TRPM3: variants seen among roughly 807,000 people sequenced by gnomAD.
TRPM3 encodes the protein long transient receptor potential channel 3.
In TRPM3, 77 loss-of-function variants were observed where a neutral mutation model predicts 181.2. That is an observed-to-expected ratio of 0.42 (90% CI 0.35 to 0.51). TRPM3 has a LOEUF of 0.51. TRPM3 is among the 20% of genes least tolerant of loss of function. The pLI is 0.01. For missense variants in TRPM3, 1,759 were observed against 2,196.7 expected (o/e 0.80, Z 3.98); for synonymous variants, 745 against 796.4 (o/e 0.94, Z 1.09).
chr9:70,862,386 C>T (rs1309535542), intron 3 of TRPM3, among the ~76,000 whole-genome samples: 1 of 152,154 alleles, frequency 6.6e-6, no homozygotes, highest in Non-Finnish European at 1.5e-5. Flanking sequence ...TTATTGAGCA[C>T]AGATGCTTGG....
At chr9:70,943,317 T>A (rs573079343) in intron 1 of TRPM3, among the ~76,000 whole-genome samples, 1 of 152,358 alleles carries the variant, frequency 6.6e-6, no homozygotes, top group East Asian at 1.9e-4. Flanking sequence ...GCTGATTACA[T>A]ATTTATTGAA....
At chr9:71,042,363 C>T (rs1019615001) in intron 1 of TRPM3, among the ~76,000 whole-genome samples, 2 of 152,180 alleles carry the variant, frequency 1.3e-5, no homozygotes, top group Non-Finnish European at 2.9e-5. Flanking sequence ...TCATGCCATT[C>T]AACAACTGCT....
chr9:71,352,001 G>A (rs11792515), intron 1 of TRPM3, among the ~76,000 whole-genome samples: 67,786 of 150,202 alleles, frequency 0.45, 15,262 homozygotes, highest in South Asian at 0.53. Context: ...TCAGCCTCCC[G>A]AGTAGCTGGG....
chr9:71,162,195 G>A (rs866313105), intron 1 of TRPM3, among the ~76,000 whole-genome samples: 2 of 77,550 alleles, frequency 2.6e-5, no homozygotes, highest in South Asian at 5.7e-4. Flanking sequence ...GCATGACTCT[G>A]TCTCAAAAAA....
intron 8 of TRPM3, among the ~76,000 whole-genome samples, chr9:70,740,465 C>T (rs1213470990): frequency 7.0e-6 from 1 of 142,168 alleles, no homozygotes; most frequent in East Asian, 2.0e-4. Context: ...TCTTCACAGA[C>T]CTAGAAAAAA....
intron 1 of TRPM3, among the ~76,000 whole-genome samples, chr9:71,435,673 A>T (rs2094021573): frequency 6.6e-6 from 1 of 152,220 alleles, no homozygotes; most frequent in African/African-American, 2.4e-5. Context: ...ATCAAAAAGT[A>T]ATATCTCAAT....
At position 70,980,520 on chromosome 9, in the gene TRPM3, C is replaced by T. The variant is rs974234132; in HGVS notation, c.178-116009G>A. Among the ~76,000 whole-genome samples the T allele has an allele frequency of 5.7e-4, 86 of 152,212 alleles. 1 individual carries two copies. The highest frequency in any genetic ancestry group is 5.4e-3 in the Admixed American group (82 of 15,280). Reference sequence around the variant, plus strand: ...TTGTCTGTGTGTAGGTGTTCATTTTCCCTACTTCTGCTCACTTCTGGAGGC... The same window carrying T: ...TTGTCTGTGTGTAGGTGTTCATTTTTCCTACTTCTGCTCACTTCTGGAGGC... On this transcript the variant is annotated intron_variant, in intron 1 of 25. Transcript: ENST00000677713.
intron 1 of TRPM3, among the ~76,000 whole-genome samples, chr9:71,387,156 T>G (rs2092944329): frequency 6.6e-6 from 1 of 152,198 alleles, no homozygotes; most frequent in Non-Finnish European, 1.5e-5. Flanking sequence ...TTTGAAAATT[T>G]AGATTATCTA....
At chr9:70,688,252 AGCAGGGCATTC>A (rs2067502251) in intron 8 of TRPM3, among the ~76,000 whole-genome samples, 1 of 152,154 alleles carries the variant, frequency 6.6e-6, no homozygotes, top group East Asian at 1.9e-4. Flanking sequence ...AAAAATTCTT[AGCAGGGCATTC>A]AAAGACTGCT....
chr9:70,811,344 T>G, intron 6 of TRPM3: 1 of 986,896 alleles, frequency 1.0e-6, no homozygotes, highest in Non-Finnish European at 1.5e-6. Context: ...TTTATATACG[T>G]GATGGCAACT....
rs553670007 is a variant in TRPM3, at chr9:70,555,556, C to T, written c.3224-2246G>A. On this transcript the variant is annotated intron_variant, in intron 22 of 25. Coordinates refer to ENST00000677713, the MANE Select transcript of TRPM3 (RefSeq NM_001366145.2). ...CACTAATAGACATTTCCCACACCTC[C>T]GCAGGCCTACTTGTGATGCATAGTC... Among the ~76,000 whole-genome samples the T allele has an allele frequency of 1.5e-3, 236 of 152,338 alleles. 1 individual carries two copies. The highest frequency in any genetic ancestry group is 5.2e-3 in the African/African-American group (216 of 41,578).
chr9:71,018,728 A>G (rs2097809761), intron 1 of TRPM3, among the ~76,000 whole-genome samples: 1 of 151,922 alleles, frequency 6.6e-6, no homozygotes, highest in Admixed American at 6.6e-5. Flanking sequence ...TAAGGAAAAT[A>G]TAATACCAAA....
At chr9:70,854,013 C>T (rs1005216120) in intron 3 of TRPM3, among the ~76,000 whole-genome samples, 1 of 152,148 alleles carries the variant, frequency 6.6e-6, no homozygotes, top group African/African-American at 2.4e-5. Flanking sequence ...TCTCCAGGTG[C>T]TTTAATACAG....
intron 1 of TRPM3, among the ~76,000 whole-genome samples, chr9:71,271,684 T>C (rs546350512): frequency 6.6e-6 from 1 of 151,544 alleles, no homozygotes; most frequent in Non-Finnish European, 1.5e-5. Context: ...CTGGCTTAAT[T>C]TGGGTAATGA....
intron 1 of TRPM3, among the ~76,000 whole-genome samples, chr9:71,111,394 G>A (rs1274688499): frequency 6.6e-6 from 1 of 152,192 alleles, no homozygotes; most frequent in Non-Finnish European, 1.5e-5. Flanking sequence ...GTTGCCAACT[G>A]GGGGTGATTT....
chr9:71,206,399 A>C lies in TRPM3; in HGVS notation c.183+240254T>G, dbSNP rs1329565038. On this transcript the variant is annotated intron_variant, in intron 1 of 24. Transcript: ENST00000357533. ...TTGGCCACATAAAAGTCTTCTTTCG[A>C]AAAGTTTCTGTTCATATCCTTCACC... Among the ~76,000 whole-genome samples, 3 of 152,260 alleles carry C rather than the reference A, an allele frequency of 2.0e-5. No homozygotes were observed. The East Asian group carries it at 5.8e-4, about 29-fold the overall frequency.
intron 6 of TRPM3, among the ~76,000 whole-genome samples, chr9:70,785,801 TG>T (rs1252800138): frequency 6.6e-6 from 1 of 152,206 alleles, no homozygotes; most frequent in Non-Finnish European, 1.5e-5. Context: ...CTTAAAAGAA[TG>T]ATCCAAAATG....
chr9:71,116,177 C>T (rs184106763), intron 1 of TRPM3, among the ~76,000 whole-genome samples: 103 of 152,280 alleles, frequency 6.8e-4, no homozygotes, highest in African/African-American at 2.4e-3. Context: ...CCTGGCCTTG[C>T]TTGCCAGGAT....
intron 1 of TRPM3, among the ~76,000 whole-genome samples, chr9:71,318,396 A>T (rs1451128642): frequency 6.6e-6 from 1 of 152,190 alleles, no homozygotes; most frequent in Admixed American, 6.5e-5. Context: ...ATTGGGGATG[A>T]ACTTTTATTG....
Sources: gnomAD v4.1 joint callset for allele counts (sites outside exome capture counted in the v4.1 genomes callset) on GRCh38, gnomAD v4.1.1 for gene constraint, MANE v1.5 for transcripts, NCBI Gene and HGNC (gene_info 2026-07-23, HGNC 2026-07-21) for gene names.